The following PARD3B variants were observed in gnomAD, a reference collection of about 807,000 sequenced individuals.
The protein encoded by PARD3B is par-3 family cell polarity regulator beta, also known as partitioning defective 3 homolog B.
PARD3B carries 103 observed loss-of-function variants against 130.2 expected under a neutral mutation model. The ratio of observed to expected loss-of-function variants is 0.79; its 90% CI spans 0.67 to 0.93. PARD3B has a LOEUF of 0.93. Ranked by LOEUF, PARD3B falls within the 40% of genes least tolerant of loss-of-function variation. PARD3B has a pLI of 0.00. For missense variants in PARD3B, 1,609 were observed against 1,499.2 expected (o/e 1.07, Z -1.21); for synonymous variants, 583 against 553.2 (o/e 1.05, Z -0.76).
At chr2:205,367,724 G>A (rs993806273) in intron 18 of PARD3B, among the ~76,000 whole-genome samples, 5 of 152,282 alleles carry the variant, frequency 3.3e-5, no homozygotes, top group Non-Finnish European at 5.9e-5. Context: ...AAGTGGGCTT[G>A]TTCCAAGATT....
At chr2:204,722,755 C>T (rs1482259813) in intron 2 of PARD3B, among the ~76,000 whole-genome samples, 15 of 152,078 alleles carry the variant, frequency 9.9e-5, no homozygotes, top group Admixed American at 7.9e-4. Context: ...GTTTACAATG[C>T]GTTAGTTCTG....
chr2:205,040,786 A>G (rs1156436092), intron 3 of PARD3B, among the ~76,000 whole-genome samples: 1 of 152,096 alleles, frequency 6.6e-6, no homozygotes, highest in Non-Finnish European at 1.5e-5. Flanking sequence ...TTGTTATCCT[A>G]AGTGTCAACA....
At chr2:204,930,898 C>T (rs1017003203) in intron 2 of PARD3B, among the ~76,000 whole-genome samples, 3 of 152,034 alleles carry the variant, frequency 2.0e-5, no homozygotes, top group South Asian at 2.1e-4. Context: ...CTAAAAACCA[C>T]GATGAACACT....
At chr2:204,590,307 G>A (rs936574147) in intron 1 of PARD3B, among the ~76,000 whole-genome samples, 6 of 152,118 alleles carry the variant, frequency 3.9e-5, no homozygotes, top group East Asian at 1.9e-4. Flanking sequence ...CCTTCCCAAC[G>A]CCCTGCCTCC....
intron 18 of PARD3B, among the ~76,000 whole-genome samples, chr2:205,398,892 A>T (rs551756921): frequency 3.9e-5 from 6 of 152,268 alleles, no homozygotes; most frequent in Non-Finnish European, 8.8e-5. Flanking sequence ...TCAGGTCCTC[A>T]TGTGAGGAGA....
Position 205,165,076 on chromosome 2 carries a change from G to A in PARD3B, c.1620+6169G>A, listed in dbSNP as rs150504984. ...AGATAAGTATGTTGAAATGGCTTCC[G>A]AAATTCTAACCTAGTTAGGCATTCA... On this transcript the variant is annotated intron_variant, in intron 11 of 22. Transcript: ENST00000406610. Among the ~76,000 whole-genome samples, 1,095 of 151,884 alleles carry A rather than the reference G, an allele frequency of 7.2e-3. 10 individuals are homozygous for A. Among genetic ancestry groups the A allele is most frequent in the African/African-American group, 0.025 (1,030 of 41,414 alleles).
At chr2:204,788,725 G>A (rs909402895) in intron 2 of PARD3B, among the ~76,000 whole-genome samples, 2 of 152,110 alleles carry the variant, frequency 1.3e-5, no homozygotes, top group African/African-American at 4.8e-5. Context: ...AAATATTGAG[G>A]TGAGATGATT....
intron 10 of PARD3B, among the ~76,000 whole-genome samples, chr2:205,147,083 G>A (rs933750032): frequency 3.3e-5 from 5 of 152,072 alleles, no homozygotes; most frequent in African/African-American, 1.2e-4. Flanking sequence ...GTCTAATCAG[G>A]TTTCTCTAAT....
intron 18 of PARD3B, among the ~76,000 whole-genome samples, chr2:205,399,799 C>G (rs1309309797): frequency 6.6e-6 from 1 of 152,206 alleles, no homozygotes; most frequent in South Asian, 2.1e-4. Context: ...TCAGAACATA[C>G]TAACCCAGAG....
intron 5 of PARD3B, among the ~76,000 whole-genome samples, chr2:205,107,927 C>G (rs979657137): frequency 6.6e-6 from 1 of 152,170 alleles, no homozygotes; most frequent in Non-Finnish European, 1.5e-5. Context: ...TTCACCTCAT[C>G]CCTAATTCCT....
chr2:204,759,508 C>A lies in PARD3B; in HGVS notation c.222+73226C>A, dbSNP rs562627575. Reference sequence around the variant, plus strand: ...GAACCTTTAAAATTATTTGATATATCTTGGAGATTTTGTCATATCAGTGGT... The same window carrying A: ...GAACCTTTAAAATTATTTGATATATATTGGAGATTTTGTCATATCAGTGGT... On this transcript the variant is annotated intron_variant, in intron 2 of 22. Coordinates refer to ENST00000406610, the MANE Select transcript of PARD3B (RefSeq NM_001302769.2). Among the ~76,000 whole-genome samples, 4 of 152,036 alleles carry A rather than the reference C, an allele frequency of 2.6e-5. No homozygotes were observed. In the South Asian group the frequency reaches 6.2e-4, roughly 24 times the overall value.
intron 18 of PARD3B, among the ~76,000 whole-genome samples, chr2:205,312,074 T>C (rs771477235): frequency 9.8e-5 from 15 of 152,342 alleles, no homozygotes; most frequent in Middle Eastern, 3.4e-3. Context: ...ACATGACATC[T>C]GTCATACATT....
At chr2:204,774,768 A>G (rs1481998619) in intron 2 of PARD3B, among the ~76,000 whole-genome samples, 7 of 152,080 alleles carry the variant, frequency 4.6e-5, no homozygotes, top group Non-Finnish European at 8.8e-5. Context: ...TGTGGTCTGT[A>G]TTTCTAAGAA....
chr2:205,588,117 AG>A (rs1437968551), intron 22 of PARD3B, among the ~76,000 whole-genome samples: 1 of 152,238 alleles, frequency 6.6e-6, no homozygotes, highest in African/African-American at 2.4e-5. Context: ...TTCACTGTGA[AG>A]GTGTCAGAAA....
At chr2:205,477,575 G>A (rs2049068736) in intron 20 of PARD3B, among the ~76,000 whole-genome samples, 1 of 151,370 alleles carries the variant, frequency 6.6e-6, no homozygotes. Flanking sequence ...GTCTGTCCTT[G>A]TTGCTGAACC....
chr2:205,328,286 C>T (rs1028500428), intron 18 of PARD3B, among the ~76,000 whole-genome samples: 1 of 152,068 alleles, frequency 6.6e-6, no homozygotes, highest in Admixed American at 6.6e-5. Flanking sequence ...ATCATTATCT[C>T]TTATTGTCAC....
intron 2 of PARD3B, among the ~76,000 whole-genome samples, chr2:204,826,433 G>A (rs1038728677): frequency 3.3e-5 from 5 of 152,122 alleles, no homozygotes; most frequent in African/African-American, 1.2e-4. Flanking sequence ...ATTCTATTCA[G>A]TAGGGCACAA....
chr2:205,604,968 T>C (rs1317155335), intron 22 of PARD3B, among the ~76,000 whole-genome samples: 1 of 152,214 alleles, frequency 6.6e-6, no homozygotes, highest in Non-Finnish European at 1.5e-5. Flanking sequence ...GTCTTCAAGC[T>C]CTGAAATTCC....
rs535895895 is a variant in PARD3B at position 205,592,202 on chromosome 2, C to T, written c.3261-23254C>T. 1.3e-5 allele frequency among the ~76,000 whole-genome samples: 2 copies of T among 152,276 alleles called. No homozygotes were observed. The highest frequency in any genetic ancestry group is 4.2e-4 in the South Asian group (2 of 4,818). ...GCCAATGGCAGAGCTGGAACTTGAA[C>T]CCAGGTGTTTTGCCTCAGAGCCCAG... On this transcript the variant is annotated intron_variant, in intron 22 of 22. Coordinates refer to ENST00000406610, the MANE Select transcript of PARD3B (RefSeq NM_001302769.2). The surrounding 1 kb of genome is among the most constrained non-coding windows in gnomAD (Gnocchi z 4.5).
Sources: allele counts gnomAD v4.1 joint callset (sites outside exome capture counted in the v4.1 genomes callset), GRCh38; gene constraint gnomAD v4.1.1; non-coding constraint Gnocchi (gnomAD v3.1); transcripts MANE v1.5; gene names NCBI Gene and HGNC (gene_info 2026-07-23, HGNC 2026-07-21).